LPCAT2: variants seen among roughly 807,000 people sequenced by gnomAD.
The protein encoded by LPCAT2 is 1-AGP acyltransferase 11.
A neutral mutation model predicts 64.7 loss-of-function variants in LPCAT2; 58 were observed. The observed-to-expected ratio is 0.90, with a 90% CI of 0.73 to 1.12. LPCAT2 has a LOEUF of 1.12. LPCAT2 is among the 50% of genes most tolerant of loss of function. The pLI, the probability that LPCAT2 is intolerant of heterozygous loss-of-function variation, is 0.00. For missense variants in LPCAT2, 579 were observed against 669.8 expected, an observed-to-expected ratio of 0.86 and a Z score of 1.50; for synonymous variants, 252 against 245.3, an observed-to-expected ratio of 1.03 and a Z score of -0.26.
intron 10 of LPCAT2, among the ~76,000 whole-genome samples, chr16:55,550,130 A>T (rs568588776): frequency 2.0e-5 from 3 of 152,350 alleles, no homozygotes; most frequent in Non-Finnish European, 4.4e-5. Context: ...TATTATTTAT[A>T]TTGTAAGATA....
chr16:55,550,809 G>A, intron 10 of LPCAT2, 140 bp from the exon 11 acceptor site: 1 of 598,264 alleles, frequency 1.7e-6, no homozygotes, highest in Non-Finnish European at 2.7e-6. Flanking sequence ...GTGCTTTTAA[G>A]TACCTATTTT....
intron 8 of LPCAT2, among the ~76,000 whole-genome samples, chr16:55,537,981 G>A (rs763352999): frequency 3.9e-5 from 6 of 152,178 alleles, no homozygotes; most frequent in Non-Finnish European, 5.9e-5. Context: ...TAAAGAAAAT[G>A]TTTTGTGAAA....
chr16:55,520,825 C>T (rs11076104), intron 1 of LPCAT2, among the ~76,000 whole-genome samples: 72,604 of 151,576 alleles, frequency 0.48, 18,062 homozygotes, highest in Non-Finnish European at 0.55. Context: ...CAAAATGCAA[C>T]GTATCAAAAT....
At chr16:55,525,440 G>A in intron 1 of LPCAT2, 68 bp from the exon 2 acceptor site, 1 of 1,434,870 alleles carries the variant, frequency 7.0e-7, no homozygotes, top group South Asian at 1.3e-5. Context: ...CCTATTACAT[G>A]TTTCTGTTTG....
chr16:55,529,448 A>G (rs1238292089), intron 3 of LPCAT2, among the ~76,000 whole-genome samples: 1 of 152,202 alleles, frequency 6.6e-6, no homozygotes, highest in Non-Finnish European at 1.5e-5. Context: ...TGAAAATTGC[A>G]GTATTATGAG....
chr16:55,516,271 A>T (rs1415865035), intron 1 of LPCAT2, among the ~76,000 whole-genome samples: 4 of 127,602 alleles, frequency 3.1e-5, no homozygotes, highest in African/African-American at 9.9e-5. Context: ...CACCCAACAA[A>T]TTTTTGTATT....
At chr16:55,537,489 G>T (rs1963338611) in intron 7 of LPCAT2, 89 bp from the exon 8 acceptor site, 1 of 969,726 alleles carries the variant, frequency 1.0e-6, no homozygotes, top group Non-Finnish European at 1.6e-6. Context: ...TGATGTGAGG[G>T]TATTTGTGTA....
intron 5 of LPCAT2, 77 bp from the exon 6 acceptor site, chr16:55,532,747 C>A: frequency 1.1e-6 from 1 of 915,494 alleles, no homozygotes; most frequent in Non-Finnish European, 1.7e-6. Context: ...TCTATTTATA[C>A]TATTTATTAA....
intron 11 of LPCAT2, among the ~76,000 whole-genome samples, chr16:55,558,172 A>T (rs1326068445): frequency 6.6e-6 from 1 of 152,238 alleles, no homozygotes; most frequent in Non-Finnish European, 1.5e-5. Context: ...ATGACTTCTC[A>T]ACATTTTATA....
At chr16:55,561,364 C>T (rs1963633897) in intron 11 of LPCAT2, among the ~76,000 whole-genome samples, 1 of 109,670 alleles carries the variant, frequency 9.1e-6, no homozygotes, top group South Asian at 3.3e-4. Flanking sequence ...TTCTTCCCCT[C>T]CTATACTTTT....
intron 1 of LPCAT2, among the ~76,000 whole-genome samples, chr16:55,523,713 G>C (rs1963130275): frequency 1.3e-5 from 2 of 151,758 alleles, no homozygotes; most frequent in African/African-American, 4.8e-5. Context: ...TGAACATCTA[G>C]AGCAGGTAAA....
chr16:55,520,047 A>T (rs115126143), intron 1 of LPCAT2, among the ~76,000 whole-genome samples: 2,383 of 152,322 alleles, frequency 0.016, 57 homozygotes, highest in African/African-American at 0.051. Flanking sequence ...TTATACCCAA[A>T]TACATCAATA....
At chr16:55,564,565 A>G (rs1213186647) in intron 11 of LPCAT2, among the ~76,000 whole-genome samples, 3 of 152,000 alleles carry the variant, frequency 2.0e-5, no homozygotes, top group African/African-American at 7.2e-5. Context: ...TATGATTTTC[A>G]GCAAGAATGC....
intron 1 of LPCAT2, among the ~76,000 whole-genome samples, chr16:55,510,024 G>A (rs1009078649): frequency 7.3e-6 from 1 of 137,680 alleles, no homozygotes; most frequent in African/African-American, 2.8e-5. Flanking sequence ...AGGAAGGAGA[G>A]GAGTCAGTAT....
intron 1 of LPCAT2, among the ~76,000 whole-genome samples, chr16:55,523,298 G>T (rs1963123761): frequency 6.6e-6 from 1 of 151,674 alleles, no homozygotes; most frequent in South Asian, 2.1e-4. Flanking sequence ...TTAAAAAATT[G>T]ACCATACCAT....
chr16:55,549,581 A>G (rs1192797243), intron 10 of LPCAT2, among the ~76,000 whole-genome samples, 179 bp downstream of exon 10: 1 of 152,176 alleles, frequency 6.6e-6, no homozygotes. Context: ...TTTTTCAAGA[A>G]CAGTTAACTC....
chr16:55,579,057 C>T (rs1202999309), intron 12 of LPCAT2, 52 bp from the exon 13 acceptor site: 6 of 1,558,422 alleles, frequency 3.9e-6, no homozygotes, highest in Non-Finnish European at 5.3e-6. Flanking sequence ...CAAGATTATT[C>T]CCTACCACTA....
chr16:55,567,240 G>A, intron 11 of LPCAT2: 1 of 1,613,736 alleles, frequency 6.2e-7, no homozygotes, highest in Non-Finnish European at 8.5e-7. Flanking sequence ...TAAGCAGTAT[G>A]ACAGGGACCA....
At position 55,579,240 on chromosome 16, in the gene LPCAT2, C is replaced by T. The variant is rs1336471762; in HGVS notation, c.1446C>T (p.Ser482=). 1.2e-6 allele frequency: 2 copies of T among 1,612,348 alleles called. No homozygotes were observed. The highest frequency in any genetic ancestry group is 1.7e-6 in the Non-Finnish European group (2 of 1,179,188). ...FKEIAQGDSI[S]YEEFKSFALK... is the part of the protein sequence containing the mutation. ...AAATAGCCCAAGGGGACTCAATTTC[C>T]TATGGTGAGTAGGCAATCTGGCCTC... The change falls in exon 13 of 14, where the codon TCC becomes TCT. Residue 482 remains serine (S), a synonymous_variant. Transcript: ENST00000262134.
Sources: gnomAD v4.1 joint callset for allele counts (sites outside exome capture counted in the v4.1 genomes callset) on GRCh38, gnomAD v4.1.1 for gene constraint, MANE v1.5 for transcripts, NCBI Gene and HGNC (gene_info 2026-07-23, HGNC 2026-07-21) for gene names.